PDE1C: variants seen among roughly 807,000 people sequenced by gnomAD.
The protein encoded by PDE1C is phosphodiesterase 1C.
A neutral mutation model predicts 93.1 loss-of-function variants in PDE1C; 62 were observed. The ratio of observed to expected loss-of-function variants is 0.67; its 90% confidence interval spans 0.54 to 0.82. The LOEUF (loss-of-function observed/expected upper bound fraction) is 0.82, where lower values mean the gene tolerates loss of function less well. PDE1C is among the 40% of genes least tolerant of loss of function. PDE1C has a pLI of 0.00. For missense variants in PDE1C, 742 were observed against 884.6 expected (o/e 0.84, Z 2.04); for synonymous variants, 325 against 310.1 (o/e 1.05, Z -0.50).
At chr7:32,032,817 C>A (rs531647032) in intron 2 of PDE1C, among the ~76,000 whole-genome samples, 1 of 152,070 alleles carries the variant, frequency 6.6e-6, no homozygotes, top group Admixed American at 6.5e-5. Context: ...CCCAGCTCTG[C>A]GGGATCAGAA....
chr7:31,901,858 T>TA (rs1185655872), intron 2 of PDE1C, among the ~76,000 whole-genome samples: 4 of 151,634 alleles, frequency 2.6e-5, no homozygotes, highest in Non-Finnish European at 4.4e-5. Context: ...TTCATAACAG[T>TA]AAAAAAGTCT....
At chr7:31,907,072 T>TGTGTGG (rs772182266) in intron 2 of PDE1C, among the ~76,000 whole-genome samples, 4 of 85,806 alleles carry the variant, frequency 4.7e-5, no homozygotes, top group Non-Finnish European at 1.1e-4. Flanking sequence ...ATATGTGGGG[T>TGTGTGG]GTGTGTGTGT....
chr7:31,799,919 G>T (rs1218646199), intron 16 of PDE1C, among the ~76,000 whole-genome samples: 1 of 151,656 alleles, frequency 6.6e-6, no homozygotes, highest in African/African-American at 2.4e-5. Context: ...ACAGTGAAAT[G>T]CAGAGCTAAG....
intron 6 of PDE1C, among the ~76,000 whole-genome samples, chr7:31,872,187 C>A (rs1796025567): frequency 6.6e-6 from 1 of 152,004 alleles, no homozygotes; most frequent in African/African-American, 2.4e-5. Context: ...CTTATGCAGT[C>A]AGAGAGTAGA....
chr7:32,172,263 A>T (rs1802700867), intron 2 of PDE1C, among the ~76,000 whole-genome samples: 1 of 152,092 alleles, frequency 6.6e-6, no homozygotes, highest in Admixed American at 6.5e-5. Context: ...CAACCTATAG[A>T]ATGGGAGAAC....
downstream of PDE1C, among the ~76,000 whole-genome samples, chr7:31,748,901 A>G (rs1400221573): frequency 6.6e-6 from 1 of 152,238 alleles, no homozygotes; most frequent in East Asian, 1.9e-4. Flanking sequence ...ATCAAAGAGA[A>G]TATAATTGAT....
chr7:32,047,990 C>T (rs1472736948), intron 2 of PDE1C, among the ~76,000 whole-genome samples: 1 of 152,162 alleles, frequency 6.6e-6, no homozygotes, highest in Non-Finnish European at 1.5e-5. Flanking sequence ...TTATTCCTAC[C>T]ATGAGAAAGG....
At chr7:32,036,455 G>A (rs1260252787) in intron 2 of PDE1C, among the ~76,000 whole-genome samples, 3 of 152,060 alleles carry the variant, frequency 2.0e-5, no homozygotes, top group Non-Finnish European at 4.4e-5. Flanking sequence ...AAAGTAAGTA[G>A]AAGAAAGGAA....
chr7:32,169,350 A>T (rs1353389794), intron 3 of PDE1C, among the ~76,000 whole-genome samples: 1 of 152,218 alleles, frequency 6.6e-6, no homozygotes, highest in Non-Finnish European at 1.5e-5. Flanking sequence ...CATTTCCGTC[A>T]GCAGCAGCTC....
At chr7:32,377,412 T>C (rs1318390254) in intron 1 of PDE1C, among the ~76,000 whole-genome samples, 2 of 152,232 alleles carry the variant, frequency 1.3e-5, no homozygotes, top group African/African-American at 4.8e-5. Context: ...AATGTGCACT[T>C]CCTATTAGCT....
chr7:32,045,515 A>G (rs1350684486), intron 2 of PDE1C, among the ~76,000 whole-genome samples: 1 of 152,208 alleles, frequency 6.6e-6, no homozygotes, highest in African/African-American at 2.4e-5. Context: ...TGATGTTACC[A>G]CTTAGGCTCT....
At chr7:32,032,662 GC>G (rs1387894809) in intron 2 of PDE1C, among the ~76,000 whole-genome samples, 1 of 152,048 alleles carries the variant, frequency 6.6e-6, no homozygotes, top group Non-Finnish European at 1.5e-5. Flanking sequence ...ATGGTCACAT[GC>G]CGGGTCTTAT....
chr7:32,029,414 T>C (rs1789961505), intron 2 of PDE1C, among the ~76,000 whole-genome samples: 1 of 152,190 alleles, frequency 6.6e-6, no homozygotes, highest in Non-Finnish European at 1.5e-5. Flanking sequence ...TGCAGCTCTA[T>C]TCACAATAGC....
At chr7:31,718,686 G>C in the PDE1C span, among the ~76,000 whole-genome samples, 1 of 152,146 alleles carries the variant, frequency 6.6e-6, no homozygotes, top group Non-Finnish European at 1.5e-5. Flanking sequence ...TGAAGAGGGG[G>C]AATCCCTGTG....
rs1789343184 is a variant in PDE1C at position 32,025,789 on chromosome 7, T to C, written c.128+25765A>G. 2.0e-5 allele frequency among the ~76,000 whole-genome samples: 3 copies of C among 152,154 alleles called. No individual in the cohort carries two copies. The South Asian group carries it at 6.2e-4, about 31-fold the overall frequency. ...TATCTGTACATACAGCCAGAGGTCATACAGTGAAGATAGTGTCCCTGCTCC... is the reference window on the plus strand; with the variant it reads ...TATCTGTACATACAGCCAGAGGTCACACAGTGAAGATAGTGTCCCTGCTCC... On this transcript the variant is annotated intron_variant, in intron 2 of 17. Coordinates refer to ENST00000396191, the MANE Select transcript of PDE1C (RefSeq NM_001191057.4).
At chr7:32,365,686 C>A (rs1311774773) in intron 1 of PDE1C, among the ~76,000 whole-genome samples, 2 of 152,244 alleles carry the variant, frequency 1.3e-5, no homozygotes, top group Admixed American at 6.5e-5. Context: ...AGATCTGTAG[C>A]CCCGACCCCA....
chr7:32,083,588 G>C (rs1033674734), intron 3 of PDE1C, among the ~76,000 whole-genome samples: 7 of 152,260 alleles, frequency 4.6e-5, no homozygotes, highest in Non-Finnish European at 7.4e-5. Context: ...AAAATGTTAA[G>C]GGCAGCCAGA....
At position 32,082,219 on chromosome 7, in the gene PDE1C, A is replaced by G. The variant is rs570759255; in HGVS notation, c.308+87566T>C. Among the ~76,000 whole-genome samples the G allele has an allele frequency of 3.3e-5, 5 of 152,358 alleles. No individual in the cohort carries two copies. In the South Asian group the frequency reaches 1.0e-3, roughly 32 times the overall value. On this transcript the variant is annotated intron_variant, in intron 3 of 18. Transcript: ENST00000396193. ...TGCACCAGGAGATTATATCCCGCACATGGCTCTGAGGGTCCTACGCCCACG... is the reference window on the plus strand; with the variant it reads ...TGCACCAGGAGATTATATCCCGCACGTGGCTCTGAGGGTCCTACGCCCACG...
intron 6 of PDE1C, among the ~76,000 whole-genome samples, chr7:31,871,902 G>A (rs773296040): frequency 2.0e-5 from 3 of 151,952 alleles, no homozygotes; most frequent in Non-Finnish European, 2.9e-5. Context: ...AGAAATCAGT[G>A]TATCAAAGAG....
Sources: allele counts gnomAD v4.1 joint callset (sites outside exome capture counted in the v4.1 genomes callset), GRCh38; gene constraint gnomAD v4.1.1; transcripts MANE v1.5; gene names NCBI Gene and HGNC (gene_info 2026-07-23, HGNC 2026-07-21).